Variants in HS3ST3A1 observed in about 807,000 individuals in gnomAD.
The protein encoded by HS3ST3A1 is heparan sulfate glucosamine 3-O-sulfotransferase 3A1.
HS3ST3A1 carries 19 observed loss-of-function variants against 25.7 expected under a neutral mutation model. That is an observed-to-expected ratio of 0.74 (90% CI 0.52 to 1.08). The LOEUF is 1.08. Ranked by LOEUF, HS3ST3A1 falls within the 50% of genes least tolerant of loss-of-function variation. The pLI, the probability that HS3ST3A1 is intolerant of heterozygous loss-of-function variation, is 0.00. For missense variants in HS3ST3A1, 459 were observed against 594.3 expected (o/e 0.77, Z 2.37); for synonymous variants, 226 against 278.6 (o/e 0.81, Z 1.88).
chr17:13,523,146 A>G (rs902320618), intron 1 of HS3ST3A1, among the ~76,000 whole-genome samples: 1 of 152,242 alleles, frequency 6.6e-6, no homozygotes, highest in South Asian at 2.1e-4. Context: ...CTCTAGGATC[A>G]AGCTAAAGAC....
At chr17:13,535,416 C>T (rs1321023486) in intron 1 of HS3ST3A1, among the ~76,000 whole-genome samples, 1 of 152,168 alleles carries the variant, frequency 6.6e-6, no homozygotes, top group Non-Finnish European at 1.5e-5. Flanking sequence ...TCTCCAAATA[C>T]ATGCAAGAAA....
intron 1 of HS3ST3A1, among the ~76,000 whole-genome samples, chr17:13,516,229 G>A (rs1906049513): frequency 6.6e-6 from 1 of 152,116 alleles, no homozygotes. Context: ...AGAATCGCTT[G>A]AACCCAGGAG....
In HS3ST3A1 at chr17:13,573,241, A is replaced by G. The variant is rs185342485; in HGVS notation, c.599+27290T>C. On this transcript the variant is annotated intron_variant, in intron 1 of 1. Coordinates refer to ENST00000284110, the MANE Select transcript of HS3ST3A1 (RefSeq NM_006042.3). ...TCTGAATGCATTTTAGAATACCCCA[A>G]TGCCCACAGGAAGGCTTCTTCCAAG... Among the ~76,000 whole-genome samples, 252 of 152,164 alleles carry G rather than the reference A, an allele frequency of 1.7e-3. 2 individuals are homozygous for G. The highest frequency in any genetic ancestry group is 5.9e-3 in the African/African-American group (245 of 41,506).
chr17:13,509,524 G>C (rs1206661289), intron 1 of HS3ST3A1, among the ~76,000 whole-genome samples: 2 of 152,162 alleles, frequency 1.3e-5, no homozygotes, highest in Non-Finnish European at 2.9e-5. Context: ...AATTAAGTTA[G>C]TTAGGATCTA....
At chr17:13,513,059 A>AT (rs1905929822) in intron 1 of HS3ST3A1, among the ~76,000 whole-genome samples, 1 of 152,222 alleles carries the variant, frequency 6.6e-6, no homozygotes, top group Admixed American at 6.5e-5. Context: ...GACATAGGGT[A>AT]TGCGGGCCTT....
chr17:13,535,541 A>G (rs1906746107), intron 1 of HS3ST3A1, among the ~76,000 whole-genome samples: 1 of 152,216 alleles, frequency 6.6e-6, no homozygotes, highest in Non-Finnish European at 1.5e-5. Flanking sequence ...CCCACAAATG[A>G]CTGTGAAAGT....
chr17:13,550,383 A>G (rs1253572432), intron 1 of HS3ST3A1, among the ~76,000 whole-genome samples: 4 of 152,064 alleles, frequency 2.6e-5, no homozygotes, highest in Non-Finnish European at 5.9e-5. Flanking sequence ...TACAGTAGAG[A>G]TGACGTGCAT....
intron 1 of HS3ST3A1, chr17:13,555,924 A>T (rs1907360460): frequency 6.6e-6 from 1 of 152,210 alleles, no homozygotes; most frequent in South Asian, 2.1e-4. Context: ...AAAGGCACGA[A>T]TTATGAAATA....
intron 1 of HS3ST3A1, among the ~76,000 whole-genome samples, chr17:13,519,869 C>A (rs1035283263): frequency 5.3e-5 from 8 of 152,264 alleles, no homozygotes; most frequent in Admixed American, 2.6e-4. Context: ...AAATGGCAAG[C>A]ATTTAAAATT....
intron 1 of HS3ST3A1, among the ~76,000 whole-genome samples, chr17:13,515,075 T>C (rs113225149): frequency 1.2e-4 from 18 of 152,370 alleles, no homozygotes; most frequent in South Asian, 4.1e-4. Flanking sequence ...ATTGTATAAT[T>C]CTTCAATGTA....
intron 1 of HS3ST3A1, among the ~76,000 whole-genome samples, chr17:13,581,751 T>C (rs1212734808): frequency 6.6e-6 from 1 of 152,212 alleles, no homozygotes; most frequent in African/African-American, 2.4e-5. Context: ...ACTGTTTTAA[T>C]AAACTTTGGT....
At chr17:13,528,484 C>G (rs1906507421) in intron 1 of HS3ST3A1, among the ~76,000 whole-genome samples, 2 of 152,198 alleles carry the variant, frequency 1.3e-5, no homozygotes, top group Non-Finnish European at 2.9e-5. Flanking sequence ...AGCCCAGTGA[C>G]TCCTGTGCTG....
At chr17:13,550,073 A>G (rs1446191172) in intron 1 of HS3ST3A1, among the ~76,000 whole-genome samples, 3 of 152,200 alleles carry the variant, frequency 2.0e-5, no homozygotes, top group Admixed American at 6.5e-5. Flanking sequence ...ATGCATTGTG[A>G]ATTTGCTAAA....
rs926522877 is a variant in HS3ST3A1 at position 13,494,202 on chromosome 17, A to T, written c.*1995T>A. Among the ~76,000 whole-genome samples the T allele has an allele frequency of 6.6e-6, 1 of 152,382 alleles. No homozygotes were observed. The highest frequency in any genetic ancestry group is 6.5e-5 in the Admixed American group (1 of 15,314). ...TAAGAGAAATGATGACAAGAGTTTAAAATGAGTATCTTGTTGCAGCTAGTG... is the reference window on the plus strand; with the variant it reads ...TAAGAGAAATGATGACAAGAGTTTATAATGAGTATCTTGTTGCAGCTAGTG... On this transcript the variant is annotated 3_prime_UTR_variant, in exon 2 of 2. Coordinates refer to ENST00000284110, the MANE Select transcript of HS3ST3A1 (RefSeq NM_006042.3).
intron 1 of HS3ST3A1, among the ~76,000 whole-genome samples, chr17:13,565,072 T>C (rs773058697): frequency 3.9e-5 from 6 of 152,310 alleles, no homozygotes; most frequent in Non-Finnish European, 8.8e-5. Flanking sequence ...CTATGTACTA[T>C]GTCTGTTTGT....
intron 1 of HS3ST3A1, among the ~76,000 whole-genome samples, chr17:13,501,048 T>A (rs1905457799): frequency 6.6e-6 from 1 of 152,204 alleles, no homozygotes; most frequent in African/African-American, 2.4e-5. Context: ...ATATGATATA[T>A]CTGGGGTACT....
intron 1 of HS3ST3A1, among the ~76,000 whole-genome samples, chr17:13,500,106 A>G (rs1905418916): frequency 6.6e-6 from 1 of 152,184 alleles, no homozygotes; most frequent in Non-Finnish European, 1.5e-5. Context: ...AATTTTTTTC[A>G]TACATTTTTA....
rs74444427 is a variant in HS3ST3A1, at chr17:13,494,616, A to G, written c.*1581T>C. ...AAAGAAAACTTCCATGAAATAGAAG[A>G]CATTTTTCCTCTTGGGTTTAAATTT... On this transcript the variant is annotated 3_prime_UTR_variant, in exon 2 of 2. Transcript: ENST00000284110. Among the ~76,000 whole-genome samples, 412 of 152,336 alleles carry G rather than the reference A, an allele frequency of 2.7e-3. 1 individual carries two copies. Among genetic ancestry groups the G allele is most frequent in the African/African-American group, 9.2e-3 (382 of 41,578 alleles).
At chr17:13,499,126 G>A (rs564462141) in intron 1 of HS3ST3A1, among the ~76,000 whole-genome samples, 60 of 152,262 alleles carry the variant, frequency 3.9e-4, no homozygotes, top group South Asian at 1.9e-3. Flanking sequence ...TAAGGTCTGG[G>A]TAAGAGTACG....
Sources: gnomAD v4.1 joint callset for allele counts (sites outside exome capture counted in the v4.1 genomes callset) on GRCh38, gnomAD v4.1.1 for gene constraint, MANE v1.5 for transcripts, NCBI Gene and HGNC (gene_info 2026-07-23, HGNC 2026-07-21) for gene names.